Variants in FIGN observed in about 807,000 individuals in gnomAD.
FIGN encodes fidgetin.
In FIGN, 11 loss-of-function variants were observed where a neutral mutation model predicts 51.3. That is an observed-to-expected ratio of 0.21 (90% CI 0.13 to 0.35). The LOEUF is 0.35. Ranked by LOEUF, FIGN falls within the 10% of genes least tolerant of loss-of-function variation. FIGN has a pLI of 1.00. For missense variants in FIGN, 857 were observed against 943.6 expected (o/e 0.91, Z 1.20); for synonymous variants, 407 against 363.2 (o/e 1.12, Z -1.37).
intron 2 of FIGN, among the ~76,000 whole-genome samples, chr2:163,666,338 A>G (rs912788968): frequency 6.6e-6 from 1 of 152,186 alleles, no homozygotes; most frequent in Non-Finnish European, 1.5e-5. Context: ...CCAAAGGATT[A>G]TACATTGACA....
intron 2 of FIGN, among the ~76,000 whole-genome samples, chr2:163,666,300 C>T (rs1200345069): frequency 5.9e-5 from 9 of 152,160 alleles, no homozygotes; most frequent in African/African-American, 4.8e-5. Flanking sequence ...CTTGCTTCTT[C>T]GCCTTCCTCA....
rs111776076 is a variant in FIGN, at chr2:163,624,710, T to A, written c.26-12904A>T. Among the ~76,000 whole-genome samples the A allele has an allele frequency of 6.7e-3, 785 of 117,684 alleles. 3 individuals are homozygous for A. The highest frequency in any genetic ancestry group is 0.04 in the East Asian group (150 of 3,718). 77.2% of individuals were successfully genotyped at this position (117,684 alleles called of 152,430 possible). A position where few individuals can be genotyped will look rare whatever the true frequency, so the allele number is the denominator to read the frequency against. On this transcript the variant is annotated intron_variant, in intron 2 of 2. Coordinates refer to ENST00000333129, the MANE Select transcript of FIGN (RefSeq NM_018086.4). ...TACATACATATATATATATATATAT[T>A]TTTTTTTTTCCTAGACAAGCTGTCG...
At chr2:163,681,696 A>AAT (rs985532383) in intron 2 of FIGN, among the ~76,000 whole-genome samples, 25 of 152,210 alleles carry the variant, frequency 1.6e-4, no homozygotes, top group Admixed American at 1.6e-3. Flanking sequence ...AACTTTAAGA[A>AAT]AGAGTGTGGA....
chr2:163,667,509 C>G (rs1401383061), intron 2 of FIGN, among the ~76,000 whole-genome samples: 3 of 152,198 alleles, frequency 2.0e-5, no homozygotes, highest in Non-Finnish European at 4.4e-5. Context: ...TCCCTCCATT[C>G]CCACTTAACA....
At chr2:163,636,316 G>A (rs553104673) in intron 2 of FIGN, among the ~76,000 whole-genome samples, 6 of 151,984 alleles carry the variant, frequency 3.9e-5, no homozygotes, top group Non-Finnish European at 8.8e-5. Context: ...ACGGAGTTTC[G>A]CTCTTGTTGC....
At chr2:163,634,089 C>CGTGTGT (rs66956230) in intron 2 of FIGN, among the ~76,000 whole-genome samples, 10,849 of 145,332 alleles carry the variant, frequency 0.075, 442 homozygotes, top group Middle Eastern at 0.12. Context: ...CGTATGTATG[C>CGTGTGT]GTGTGTGTGT....
At chr2:163,616,816 A>T (rs1258141901) in intron 2 of FIGN, among the ~76,000 whole-genome samples, 1 of 152,160 alleles carries the variant, frequency 6.6e-6, no homozygotes, top group Non-Finnish European at 1.5e-5. Context: ...GATGCAACAG[A>T]TTTATCATCT....
intron 2 of FIGN, among the ~76,000 whole-genome samples, chr2:163,628,583 T>TA (rs1393251830): frequency 6.6e-6 from 1 of 152,032 alleles, no homozygotes; most frequent in Non-Finnish European, 1.5e-5. Flanking sequence ...ATAATAAAGA[T>TA]ATACAGGACA....
At chr2:163,648,566 G>A (rs2105320317) in intron 2 of FIGN, among the ~76,000 whole-genome samples, 1 of 152,284 alleles carries the variant, frequency 6.6e-6, no homozygotes, top group African/African-American at 2.4e-5. Context: ...AAAATTTAGA[G>A]CATGAGTGCG....
At chr2:163,715,539 G>A (rs916769786) in intron 2 of FIGN, among the ~76,000 whole-genome samples, 6 of 152,180 alleles carry the variant, frequency 3.9e-5, no homozygotes, top group African/African-American at 1.4e-4. Flanking sequence ...GAGTGGGAGC[G>A]GTTTCAGGGC....
intron 2 of FIGN, among the ~76,000 whole-genome samples, chr2:163,678,524 A>C (rs1170732139): frequency 6.6e-6 from 1 of 152,178 alleles, no homozygotes; most frequent in Non-Finnish European, 1.5e-5. Context: ...CCTGACCAAC[A>C]TGTCATCTTA....
intron 2 of FIGN, among the ~76,000 whole-genome samples, chr2:163,710,803 T>G (rs1684576319): frequency 6.6e-6 from 1 of 152,118 alleles, no homozygotes; most frequent in Non-Finnish European, 1.5e-5. Flanking sequence ...CTAGTAGAGT[T>G]CCTACCCTCA....
intron 2 of FIGN, among the ~76,000 whole-genome samples, chr2:163,668,747 T>C (rs1414275257): frequency 6.6e-6 from 1 of 151,988 alleles, no homozygotes; most frequent in Non-Finnish European, 1.5e-5. Flanking sequence ...GAGACCATCC[T>C]GGCTAACACG....
intron 2 of FIGN, among the ~76,000 whole-genome samples, chr2:163,732,424 G>C (rs1295463628): frequency 2.6e-5 from 4 of 152,076 alleles, no homozygotes; most frequent in African/African-American, 9.7e-5. Context: ...GAACAGAAGA[G>C]GATAACTAAA....
chr2:163,634,644 C>A (rs1683197994), intron 2 of FIGN, among the ~76,000 whole-genome samples: 1 of 152,186 alleles, frequency 6.6e-6, no homozygotes, highest in African/African-American at 2.4e-5. Context: ...CTACAGTGCA[C>A]ATTTTGTTCC....
At chr2:163,711,017 TCA>T (rs1021894397) in intron 2 of FIGN, among the ~76,000 whole-genome samples, 1 of 152,032 alleles carries the variant, frequency 6.6e-6, no homozygotes, top group African/African-American at 2.4e-5. Flanking sequence ...ACACATGCAC[TCA>T]CACACACATA....
chr2:163,662,030 C>A (rs1173838109), intron 2 of FIGN, among the ~76,000 whole-genome samples: 1 of 152,128 alleles, frequency 6.6e-6, no homozygotes, highest in East Asian at 1.9e-4. Context: ...AACTTGGTAA[C>A]AGGCAGAGGT....
intron 2 of FIGN, among the ~76,000 whole-genome samples, chr2:163,682,721 A>C (rs1050732830): frequency 2.6e-5 from 4 of 152,218 alleles, no homozygotes; most frequent in Non-Finnish European, 4.4e-5. Flanking sequence ...CAGAAATATG[A>C]AATAGCATTC....
At chr2:163,707,720 T>C (rs1684522823) in intron 2 of FIGN, among the ~76,000 whole-genome samples, 1 of 152,182 alleles carries the variant, frequency 6.6e-6, no homozygotes. Context: ...AATGGCTTTG[T>C]TAAGGAGATA....
Sources: allele counts gnomAD v4.1 joint callset (sites outside exome capture counted in the v4.1 genomes callset), GRCh38; gene constraint gnomAD v4.1.1; transcripts MANE v1.5; gene names NCBI Gene and HGNC (gene_info 2026-07-23, HGNC 2026-07-21).